STX6: variants seen among roughly 807,000 people sequenced by gnomAD.
STX6 encodes the protein syntaxin-6.
In STX6, 23 loss-of-function variants were observed where a neutral mutation model predicts 38.0. The observed-to-expected ratio is 0.60, with a 90% CI of 0.43 to 0.86. The LOEUF is 0.86. Among genes scored for constraint, STX6 ranks in the 40% least tolerant of loss-of-function variants. STX6 has a pLI of 0.00. For synonymous variants in STX6, 123 were observed against 107.5 expected (o/e 1.14, Z -0.89); for missense variants, 274 against 312.9 (o/e 0.88, Z 0.94).
At chr1:181,017,930 A>C (rs756313025) in intron 1 of STX6, among the ~76,000 whole-genome samples, 1 of 152,212 alleles carries the variant, frequency 6.6e-6, no homozygotes, top group Non-Finnish European at 1.5e-5. Context: ...CAGAAGCAGC[A>C]ATACAGACCT....
chr1:181,001,360 T>C (rs2102318620), intron 3 of STX6, among the ~76,000 whole-genome samples: 1 of 152,362 alleles, frequency 6.6e-6, no homozygotes, highest in South Asian at 2.1e-4. Context: ...GTTATGCTAA[T>C]CAAATGGCTT....
chr1:181,018,734 C>T (rs1335272657), intron 1 of STX6, among the ~76,000 whole-genome samples: 3 of 152,166 alleles, frequency 2.0e-5, no homozygotes, highest in Non-Finnish European at 4.4e-5. Flanking sequence ...GTTACAACAG[C>T]TTTCTAACTG....
At chr1:181,009,111 C>G (rs931307742) in intron 1 of STX6, among the ~76,000 whole-genome samples, 3 of 152,074 alleles carry the variant, frequency 2.0e-5, no homozygotes, top group African/African-American at 7.2e-5. Context: ...AATTATATAT[C>G]TGATTAATGA....
At chr1:181,011,237 A>T (rs1656390271) in intron 1 of STX6, among the ~76,000 whole-genome samples, 8 of 152,356 alleles carry the variant, frequency 5.3e-5, no homozygotes, top group Admixed American at 4.6e-4. Context: ...GTTTTAAGGG[A>T]TCACAAAGGT....
intron 4 of STX6, 123 bp from the exon 5 acceptor site, chr1:180,990,232 G>C (rs973444242): frequency 3.3e-5 from 42 of 1,279,748 alleles, no homozygotes; most frequent in Non-Finnish European, 4.4e-5. Context: ...CCTGGGCAAG[G>C]CTTTTATGTA....
Position 180,988,289 on chromosome 1 carries a change from C to T in STX6, c.546G>A (p.Val182=), listed in dbSNP as rs1341314475. ...QLELVSGSIG[V]LKNMSQRIGG... ...CGATGCGCTGGGACATGTTCTTCAG[C>T]ACCCCGATGCTGCCAGAGACCAGCT... is the stretch of plus-strand genomic sequence containing the variant. The change falls in exon 6 of 8, where the codon GTG becomes GTA. Residue 182 remains valine (V), a synonymous_variant. Transcript: ENST00000258301. 17 of 1,613,948 alleles carry T rather than the reference C, an allele frequency of 1.1e-5. No homozygotes were observed. The highest frequency in any genetic ancestry group is 1.4e-5 in the Non-Finnish European group (17 of 1,179,970).
intron 6 of STX6, among the ~76,000 whole-genome samples, chr1:180,985,469 C>A (rs536847594): frequency 6.6e-6 from 1 of 152,312 alleles, no homozygotes; most frequent in Admixed American, 6.5e-5. Flanking sequence ...AATAAAATAA[C>A]CTCCTATAAG....
chr1:180,999,371 G>C (rs967237704), intron 3 of STX6, among the ~76,000 whole-genome samples: 3 of 152,056 alleles, frequency 2.0e-5, no homozygotes, highest in Non-Finnish European at 4.4e-5. Context: ...GTCACTTCTA[G>C]GATATATTTC....
intron 1 of STX6, among the ~76,000 whole-genome samples, chr1:181,014,575 G>T (rs1337383244): frequency 6.6e-6 from 1 of 152,144 alleles, no homozygotes; most frequent in Admixed American, 6.5e-5. Context: ...AGTCAAGGCT[G>T]AAAGTTTCCA....
In STX6 at chr1:180,984,096, C is replaced by T. The variant is rs188794422; in HGVS notation, c.691+581G>A. On this transcript the variant is annotated intron_variant, in intron 7 of 7. Transcript: ENST00000258301. ...AAAAAAAAAAAAAAAAAAAACACAA[C>T]GAAAGTGACTCTACTGGGAAAAAAA... is the stretch of plus-strand genomic sequence containing the variant. Among the ~76,000 whole-genome samples the T allele has an allele frequency of 8.2e-5, 8 of 97,632 alleles. No individual in the cohort carries two copies. In the East Asian group the frequency reaches 9.7e-4, roughly 12 times the overall value. 64.1% of individuals were successfully genotyped at this position (97,632 alleles called of 152,430 possible).
At chr1:180,990,611 C>A (rs149208818) in intron 4 of STX6, among the ~76,000 whole-genome samples, 6 of 152,104 alleles carry the variant, frequency 3.9e-5, no homozygotes, top group Non-Finnish European at 7.4e-5. Context: ...GCCCTTCACA[C>A]ACAAAGGCAC....
intron 1 of STX6, among the ~76,000 whole-genome samples, chr1:181,015,598 A>C (rs1483501307): frequency 6.6e-6 from 1 of 151,992 alleles, no homozygotes; most frequent in Non-Finnish European, 1.5e-5. Context: ...AAGTTCTTCC[A>C]ACCCTGATTA....
At position 180,976,195 on chromosome 1, in the gene STX6, A is replaced by G. The variant is rs1186820325; in HGVS notation, c.*375T>C. The G allele has an allele frequency of 8.3e-6, 2 of 240,752 alleles. No individual in the cohort carries two copies. Among genetic ancestry groups the G allele is most frequent in the African/African-American group, 2.2e-5 (1 of 45,356 alleles). 14.9% of individuals were successfully genotyped at this position (240,752 alleles called of 1,614,324 possible). On this transcript the variant is annotated 3_prime_UTR_variant, in exon 8 of 8. Coordinates refer to ENST00000258301, the MANE Select transcript of STX6 (RefSeq NM_005819.6). ...TCTGAGCACGGGGAAGGGTCTGAGCAGAAGAAAAGAGCTGCCAAAGATGCA... is the reference window on the plus strand; with the variant it reads ...TCTGAGCACGGGGAAGGGTCTGAGCGGAAGAAAAGAGCTGCCAAAGATGCA...
intron 1 of STX6, among the ~76,000 whole-genome samples, chr1:181,013,716 C>T (rs1022370172): frequency 1.3e-5 from 2 of 152,202 alleles, no homozygotes; most frequent in African/African-American, 4.8e-5. Context: ...GTCATGGAGT[C>T]TGTAGATCAG....
At chr1:181,005,126 G>T in intron 2 of STX6, 168 bp downstream of exon 2, 1 of 857,532 alleles carries the variant, frequency 1.2e-6, no homozygotes, top group Non-Finnish European at 1.4e-6. Context: ...TTTGGCTACT[G>T]TACCTTAAGT....
chr1:180,983,078 G>A (rs752626154), intron 7 of STX6, among the ~76,000 whole-genome samples: 5 of 152,166 alleles, frequency 3.3e-5, no homozygotes, highest in Admixed American at 6.5e-5. Context: ...AATGGTAAAC[G>A]CAGTTAAGCA....
chr1:181,022,562 C>T, intron 1 of STX6, 77 bp downstream of exon 1: 1 of 1,494,280 alleles, frequency 6.7e-7, no homozygotes, highest in South Asian at 1.2e-5. Flanking sequence ...CCTCCCCCCA[C>T]TGCGAGAAGA....
At chr1:180,994,784 T>A (rs1655855164) in intron 3 of STX6, among the ~76,000 whole-genome samples, 1 of 152,190 alleles carries the variant, frequency 6.6e-6, no homozygotes, top group African/African-American at 2.4e-5. Flanking sequence ...AGTTCAACAA[T>A]AATCTATCGT....
intron 1 of STX6, among the ~76,000 whole-genome samples, chr1:181,008,427 T>C (rs1188919965): frequency 6.6e-6 from 1 of 152,214 alleles, no homozygotes; most frequent in Non-Finnish European, 1.5e-5. Context: ...ATGCCCCCAG[T>C]GAGCATTTCT....
Sources: allele counts gnomAD v4.1 joint callset (sites outside exome capture counted in the v4.1 genomes callset), GRCh38; gene constraint gnomAD v4.1.1; transcripts MANE v1.5; gene names NCBI Gene and HGNC (gene_info 2026-07-23, HGNC 2026-07-21).